Variants in CNTNAP2 observed in about 807,000 individuals in gnomAD.
The protein encoded by CNTNAP2 is contactin associated protein 2.
In CNTNAP2, 98 loss-of-function variants were observed where a neutral mutation model predicts 155.2. The observed-to-expected ratio is 0.63, with a 90% CI of 0.54 to 0.75. The LOEUF is 0.75. Among genes scored for constraint, CNTNAP2 ranks in the 30% least tolerant of loss-of-function variants. The pLI is 0.00. For synonymous variants in CNTNAP2, 651 were observed against 631.2 expected, an observed-to-expected ratio of 1.03 and a Z score of -0.47; for missense variants, 1,727 against 1,688.1, an observed-to-expected ratio of 1.02 and a Z score of -0.40.
chr7:147,576,874 G>A (rs1341758675), intron 12 of CNTNAP2, among the ~76,000 whole-genome samples: 6 of 152,002 alleles, frequency 3.9e-5, no homozygotes, highest in African/African-American at 1.4e-4. Context: ...ATGAAGTGTG[G>A]GTTTTGTTCT....
intron 8 of CNTNAP2, among the ~76,000 whole-genome samples, chr7:147,189,786 C>T (rs1222343576): frequency 1.3e-5 from 2 of 152,224 alleles, no homozygotes; most frequent in East Asian, 3.9e-4. Flanking sequence ...ACTCTGTCGC[C>T]CAGGCTGGAG....
chr7:146,148,688 A>G (rs1425540133), intron 1 of CNTNAP2, among the ~76,000 whole-genome samples: 6 of 152,180 alleles, frequency 3.9e-5, no homozygotes, highest in South Asian at 2.1e-4. Context: ...ATGAACGTGG[A>G]TAATTATTAT....
chr7:146,900,406 T>C (rs896801665), intron 3 of CNTNAP2, among the ~76,000 whole-genome samples: 1 of 152,366 alleles, frequency 6.6e-6, no homozygotes. Flanking sequence ...TCAATTCATT[T>C]GAAAGTTTTT....
chr7:147,154,235 A>G (rs1281858087), intron 8 of CNTNAP2, among the ~76,000 whole-genome samples: 1 of 152,198 alleles, frequency 6.6e-6, no homozygotes, highest in Admixed American at 6.5e-5. Flanking sequence ...TGAAAACGAG[A>G]ATAAGCAAGA....
intron 1 of CNTNAP2, among the ~76,000 whole-genome samples, chr7:146,301,089 T>C (rs1584856523): frequency 6.6e-6 from 1 of 152,240 alleles, no homozygotes; most frequent in Non-Finnish European, 1.5e-5. Context: ...AGGGATTTCC[T>C]TAAGAGACCA....
intron 1 of CNTNAP2, among the ~76,000 whole-genome samples, chr7:146,219,544 G>A (rs865907245): frequency 1.3e-5 from 2 of 151,994 alleles, no homozygotes; most frequent in African/African-American, 2.4e-5. Flanking sequence ...ATAAATAGAC[G>A]AACAGCACTA....
rs768738493 is a variant in CNTNAP2 at position 147,407,467 on chromosome 7, CAAAAAAAAA to C, written c.1670+11716_1670+11724del. ...TGGGCAACAGAGCGAGACTCCCTCT[CAAAAAAAAA>C]AAAAAAAAAAAAAAAAAAAAAAAAA... On this transcript the variant is annotated intron_variant, in intron 10 of 23. Coordinates refer to ENST00000361727, the MANE Select transcript of CNTNAP2 (RefSeq NM_014141.6). 4.8e-4 allele frequency among the ~76,000 whole-genome samples: 31 copies of C among 64,902 alleles called. 1 individual carries two copies. Among genetic ancestry groups the C allele is most frequent in the African/African-American group, 1.4e-3 (27 of 18,622 alleles). 42.6% of individuals were successfully genotyped at this position (64,902 alleles called of 152,430 possible).
At chr7:147,227,480 C>A (rs961574552) in intron 8 of CNTNAP2, among the ~76,000 whole-genome samples, 1 of 152,132 alleles carries the variant, frequency 6.6e-6, no homozygotes, top group African/African-American at 2.4e-5. Context: ...TTGAAAAAGG[C>A]TGACCAGTTA....
At chr7:147,106,182 G>A (rs1216650348) in intron 4 of CNTNAP2, among the ~76,000 whole-genome samples, 2 of 152,050 alleles carry the variant, frequency 1.3e-5, no homozygotes, top group Admixed American at 6.6e-5. Flanking sequence ...TATAAAACAA[G>A]ATGTGTCTAT....
chr7:146,407,778 C>T (rs368647420), intron 1 of CNTNAP2, among the ~76,000 whole-genome samples: 4 of 152,084 alleles, frequency 2.6e-5, no homozygotes, highest in African/African-American at 9.7e-5. Flanking sequence ...TCTTCTTCTA[C>T]GTCTGCCACC....
At chr7:147,048,097 T>TG (rs1209001004) in intron 4 of CNTNAP2, among the ~76,000 whole-genome samples, 3 of 126,886 alleles carry the variant, frequency 2.4e-5, no homozygotes, top group African/African-American at 6.6e-5. Context: ...TTTTTTGAGA[T>TG]GGAGTCTCGC....
In CNTNAP2 at chr7:147,485,915, T is replaced by C; in HGVS notation, c.1671-20T>C. 2 of 1,611,958 alleles carry C rather than the reference T, an allele frequency of 1.2e-6. No individual in the cohort carries two copies. The highest frequency in any genetic ancestry group is 1.7e-6 in the Non-Finnish European group (2 of 1,178,004). On this transcript the variant is annotated intron_variant, in intron 10 of 23. Coordinates refer to ENST00000361727, the MANE Select transcript of CNTNAP2 (RefSeq NM_014141.6). ...TCATTTGTTTGTTGGTTTATTTCTG[T>C]TTGTCTCTCTCTCTGACAGATGTGT...
intron 13 of CNTNAP2, among the ~76,000 whole-genome samples, chr7:147,743,338 C>A (rs1178643109): frequency 6.6e-6 from 1 of 152,080 alleles, no homozygotes; most frequent in African/African-American, 2.4e-5. Flanking sequence ...ATTAAGATCC[C>A]TAAGTAAGTG....
chr7:146,788,158 G>A (rs915906990), intron 2 of CNTNAP2, among the ~76,000 whole-genome samples: 6 of 152,280 alleles, frequency 3.9e-5, no homozygotes, highest in African/African-American at 7.2e-5. Flanking sequence ...CCCAGCAGGC[G>A]CGGGCTGGCC....
At chr7:147,095,842 A>T (rs1800519430) in intron 4 of CNTNAP2, among the ~76,000 whole-genome samples, 1 of 152,168 alleles carries the variant, frequency 6.6e-6, no homozygotes, top group African/African-American at 2.4e-5. Context: ...CTTTTATCTC[A>T]AATGTGGAGG....
chr7:146,385,957 T>C (rs1390128148), intron 1 of CNTNAP2, among the ~76,000 whole-genome samples: 2 of 152,174 alleles, frequency 1.3e-5, no homozygotes, highest in African/African-American at 2.4e-5. Context: ...TTCATAAGCA[T>C]ATCACATACA....
At chr7:146,283,948 G>GA (rs1323003640) in intron 1 of CNTNAP2, among the ~76,000 whole-genome samples, 1 of 152,034 alleles carries the variant, frequency 6.6e-6, no homozygotes, top group Non-Finnish European at 1.5e-5. Flanking sequence ...AAATCAACAA[G>GA]AAAATGACAG....
chr7:147,055,832 G>C (rs969167542), intron 4 of CNTNAP2, among the ~76,000 whole-genome samples: 1 of 152,134 alleles, frequency 6.6e-6, no homozygotes, highest in Non-Finnish European at 1.5e-5. Flanking sequence ...ATCCCCGAGG[G>C]AAGCAGCGTC....
intron 1 of CNTNAP2, among the ~76,000 whole-genome samples, chr7:146,126,691 C>T (rs963004771): frequency 6.6e-6 from 1 of 152,184 alleles, no homozygotes; most frequent in African/African-American, 2.4e-5. Flanking sequence ...ATTGTTTAAT[C>T]TATAAGCACA....
Sources: gnomAD v4.1 joint callset for allele counts (sites outside exome capture counted in the v4.1 genomes callset) on GRCh38, gnomAD v4.1.1 for gene constraint, MANE v1.5 for transcripts, NCBI Gene and HGNC (gene_info 2026-07-23, HGNC 2026-07-21) for gene names.